Variants in RHBDD1 observed in about 807,000 individuals in gnomAD.
The protein encoded by RHBDD1 is rhomboid domain containing 1, also known as rhomboid-related protein 4.
A neutral mutation model predicts 36.3 loss-of-function variants in RHBDD1; 38 were observed. The observed-to-expected ratio is 1.05, with a 90% CI of 0.81 to 1.37. The LOEUF (loss-of-function observed/expected upper bound fraction) is 1.37, where lower values mean the gene tolerates loss of function less well. Among genes scored for constraint, RHBDD1 ranks in the 40% most tolerant of loss-of-function variants. The pLI is 0.00. For synonymous variants in RHBDD1, 151 were observed against 136.5 expected (o/e 1.11, Z -0.74); for missense variants, 393 against 377.6 (o/e 1.04, Z -0.34).
At chr2:226,943,760 C>T (rs1950805749) in intron 8 of RHBDD1, among the ~76,000 whole-genome samples, 2 of 152,222 alleles carry the variant, frequency 1.3e-5, no homozygotes, top group South Asian at 4.1e-4. Flanking sequence ...CCCTGACTTA[C>T]ATAACGCAGG....
chr2:226,948,527 C>A, intron 8 of RHBDD1, among the ~76,000 whole-genome samples: 1 of 130,514 alleles, frequency 7.7e-6, no homozygotes, highest in Non-Finnish European at 1.6e-5. Context: ...TGTAACTAAC[C>A]TGCACAATGT....
intron 8 of RHBDD1, among the ~76,000 whole-genome samples, chr2:226,961,973 TC>T (rs1259486953): frequency 6.6e-6 from 1 of 152,198 alleles, no homozygotes; most frequent in Non-Finnish European, 1.5e-5. Context: ...AGTCTGTCGT[TC>T]CTAATGCCTC....
At chr2:226,972,749 C>T (rs1268712351) in intron 8 of RHBDD1, among the ~76,000 whole-genome samples, 1 of 152,182 alleles carries the variant, frequency 6.6e-6, no homozygotes, top group Non-Finnish European at 1.5e-5. Flanking sequence ...GGGCTCTCTG[C>T]TCACACTCGG....
chr2:226,958,279 C>A (rs1329891489), intron 8 of RHBDD1, among the ~76,000 whole-genome samples: 3 of 152,184 alleles, frequency 2.0e-5, no homozygotes, highest in Admixed American at 2.0e-4. Flanking sequence ...GCCAATGACA[C>A]ATGGCCACAT....
At chr2:226,825,611 G>A in the RHBDD1 span, among the ~76,000 whole-genome samples, 1 of 152,140 alleles carries the variant, frequency 6.6e-6, no homozygotes, top group African/African-American at 2.4e-5. Context: ...TTTTCATTTT[G>A]ATAGTTTAGA....
chr2:226,854,385 G>C (rs1413131674), intron 3 of RHBDD1, among the ~76,000 whole-genome samples: 3 of 151,992 alleles, frequency 2.0e-5, no homozygotes, highest in Admixed American at 2.0e-4. Flanking sequence ...CCAAGGTTAG[G>C]GGTTCAAAAC....
At chr2:226,854,999 G>A (rs562869144) in intron 3 of RHBDD1, among the ~76,000 whole-genome samples, 2 of 152,314 alleles carry the variant, frequency 1.3e-5, no homozygotes, top group Admixed American at 6.5e-5. Flanking sequence ...TTCTTCATAT[G>A]TCCAATTTAG....
At chr2:226,909,175 T>A (rs1948323664) in intron 7 of RHBDD1, among the ~76,000 whole-genome samples, 1 of 152,168 alleles carries the variant, frequency 6.6e-6, no homozygotes, top group African/African-American at 2.4e-5. Flanking sequence ...TCTTTAAGTC[T>A]CAGTCTGAGA....
intron 8 of RHBDD1, among the ~76,000 whole-genome samples, chr2:226,951,472 A>C (rs1951424391): frequency 6.6e-6 from 1 of 152,196 alleles, no homozygotes; most frequent in Non-Finnish European, 1.5e-5. Context: ...TTTGTAAAAT[A>C]TTCATGAAAA....
chr2:226,800,433 G>A, the RHBDD1 span, among the ~76,000 whole-genome samples: 1 of 152,314 alleles, frequency 6.6e-6, no homozygotes, highest in East Asian at 1.9e-4. Context: ...GGACGCCCAA[G>A]GGCAGTGACT....
upstream of RHBDD1, among the ~76,000 whole-genome samples, chr2:226,831,796 T>C (rs1044705232): frequency 1.3e-5 from 2 of 152,200 alleles, no homozygotes. Flanking sequence ...GTCTAGGAAT[T>C]TGTCCAATTC....
In RHBDD1 at chr2:226,908,809, C is replaced by A. The variant is rs768241276; in HGVS notation, c.656-13C>A. ...ATGGCTGCCATTAAAATGTTTATTT[C>A]TTTTACGTTTAGGCGGTTTTTCCTC... On this transcript the variant is annotated splice_polypyrimidine_tract_variant and intron_variant, in intron 6 of 8. Coordinates refer to ENST00000392062, the MANE Select transcript of RHBDD1 (RefSeq NM_001167608.3). The A allele has an allele frequency of 1.3e-6, 2 of 1,592,412 alleles. No homozygotes were observed. Among genetic ancestry groups the A allele is most frequent in the Non-Finnish European group, 1.7e-6 (2 of 1,160,470 alleles).
At chr2:226,908,664 G>T (rs1948262542) in intron 6 of RHBDD1, 158 bp from the exon 7 acceptor site, 4 of 632,084 alleles carry the variant, frequency 6.3e-6, no homozygotes, top group Admixed American at 5.3e-5. Flanking sequence ...TTTCCAGTTA[G>T]GGCTGGCCCC....
intron 5 of RHBDD1, among the ~76,000 whole-genome samples, chr2:226,870,804 A>T (rs187767328): frequency 6.6e-6 from 1 of 152,342 alleles, no homozygotes. Context: ...AAATGTATGC[A>T]CTATTTGTTA....
intron 8 of RHBDD1, among the ~76,000 whole-genome samples, chr2:226,918,893 G>A (rs1949106736): frequency 1.3e-5 from 2 of 152,018 alleles, no homozygotes; most frequent in Admixed American, 6.5e-5. Flanking sequence ...CTTCCAAACT[G>A]TTCTCCATAG....
intron 5 of RHBDD1, among the ~76,000 whole-genome samples, chr2:226,878,396 A>G (rs1470289606): frequency 3.3e-5 from 5 of 152,234 alleles, no homozygotes; most frequent in Admixed American, 3.3e-4. Context: ...TCAGCCATTA[A>G]GAGGTGGAGT....
chr2:226,920,100 T>C (rs1949203447), intron 8 of RHBDD1, among the ~76,000 whole-genome samples: 1 of 151,740 alleles, frequency 6.6e-6, no homozygotes, highest in Admixed American at 6.6e-5. Context: ...ATATTTGTAT[T>C]TAAATAAATA....
Position 226,997,428 on chromosome 2 carries a change from T to A in RHBDD1, c.*1906T>A, listed in dbSNP as rs1469953385. 1 of 152,174 alleles carries A rather than the reference T, an allele frequency of 6.6e-6. No individual in the cohort carries two copies. Among genetic ancestry groups the A allele is most frequent in the East Asian group, 1.9e-4 (1 of 5,196 alleles). 9.4% of individuals were successfully genotyped at this position (152,174 alleles called of 1,614,324 possible). ...TTAACTGTGCACAGCTACACAAAGG[T>A]GTGCCTTCTACGTGGGAACATGGAT... On this transcript the variant is annotated 3_prime_UTR_variant, in exon 9 of 9. Transcript: ENST00000392062.
Position 226,956,688 on chromosome 2 carries a change from C to T in RHBDD1, c.857-38743C>T, listed in dbSNP as rs989748825. Among the ~76,000 whole-genome samples, 4 of 152,186 alleles carry T rather than the reference C, an allele frequency of 2.6e-5. No homozygotes were observed. In the East Asian group the frequency reaches 7.7e-4, roughly 29 times the overall value. On this transcript the variant is annotated intron_variant, in intron 8 of 8. Coordinates refer to ENST00000392062, the MANE Select transcript of RHBDD1 (RefSeq NM_001167608.3). ...TGCCCAGAAATGCTAACAGAAAGAT[C>T]TGTCTCCCTAGTGCTCAGAAACGTT...
Sources: allele counts gnomAD v4.1 joint callset (sites outside exome capture counted in the v4.1 genomes callset), GRCh38; gene constraint gnomAD v4.1.1; transcripts MANE v1.5; gene names NCBI Gene and HGNC (gene_info 2026-07-23, HGNC 2026-07-21).